The following MET variants were observed in gnomAD, a reference collection of about 807,000 sequenced individuals.
The protein encoded by MET is hepatocyte growth factor receptor.
In MET, 48 loss-of-function variants were observed where a neutral mutation model predicts 133.1. The ratio of observed to expected loss-of-function variants is 0.36; its 90% confidence interval spans 0.29 to 0.46. The LOEUF (loss-of-function observed/expected upper bound fraction) is 0.46, where lower values mean the gene tolerates loss of function less well. Among genes scored for constraint, MET ranks in the 20% least tolerant of loss-of-function variants. MET has a pLI of 1.00. For synonymous variants in MET, 628 were observed against 616.5 expected (o/e 1.02, Z -0.28); for missense variants, 1,442 against 1,695.9 (o/e 0.85, Z 2.63).
In MET at chr7:116,759,303, G is replaced by A. The variant is rs773246977; in HGVS notation, c.2265-88G>A. 6 of 1,552,824 alleles carry A rather than the reference G, an allele frequency of 3.9e-6. No individual in the cohort carries two copies. In the East Asian group the frequency reaches 1.4e-4, roughly 37 times the overall value. On this transcript the variant is annotated intron_variant, in intron 9 of 20. Transcript: ENST00000397752. ...TGACTGTGCCTCTGACCTGTAATCA[G>A]TGCAGGTGATTAAATTGAATCCCTC...
chr7:116,707,360 T>C (rs923387824), intron 2 of MET, among the ~76,000 whole-genome samples: 17 of 152,190 alleles, frequency 1.1e-4, no homozygotes, highest in African/African-American at 3.9e-4. Flanking sequence ...ATCAGCAAAA[T>C]GTTCATCAGT....
intron 2 of MET, among the ~76,000 whole-genome samples, chr7:116,728,296 T>C (rs1792870906): frequency 6.6e-6 from 1 of 152,142 alleles, no homozygotes; most frequent in Admixed American, 6.5e-5. Flanking sequence ...TTACAAATTT[T>C]ATTTGATGGG....
intron 2 of MET, among the ~76,000 whole-genome samples, chr7:116,709,094 A>T (rs1791900791): frequency 6.6e-6 from 1 of 152,140 alleles, no homozygotes; most frequent in Admixed American, 6.6e-5. Context: ...GCTCACAAGG[A>T]TATCATGAGC....
At chr7:116,673,997 G>T (rs1445948621) in intron 1 of MET, among the ~76,000 whole-genome samples, 2 of 152,168 alleles carry the variant, frequency 1.3e-5, no homozygotes, top group African/African-American at 4.8e-5. Context: ...AAATGTGTCT[G>T]ATAGCCTATA....
chr7:116,793,114 C>T (rs1466861999), intron 19 of MET, among the ~76,000 whole-genome samples: 3 of 152,118 alleles, frequency 2.0e-5, no homozygotes, highest in African/African-American at 4.8e-5. Flanking sequence ...CTTACAGATG[C>T]CATCTCCCTG....
chr7:116,755,276 TTTTG>T (rs1454592385), intron 5 of MET, 75 bp from the exon 6 acceptor site: 12 of 1,459,298 alleles, frequency 8.2e-6, no homozygotes, highest in African/African-American at 5.7e-5. Context: ...AGGATATACA[TTTTG>T]TTTGTTCGTT....
At chr7:116,752,992 G>A (rs1471765530) in intron 5 of MET, among the ~76,000 whole-genome samples, 1 of 152,112 alleles carries the variant, frequency 6.6e-6, no homozygotes, top group Non-Finnish European at 1.5e-5. Flanking sequence ...ATAATAAACA[G>A]ATTTATTTTT....
intron 1 of MET, among the ~76,000 whole-genome samples, chr7:116,688,021 T>A (rs766901114): frequency 2.6e-5 from 4 of 152,246 alleles, no homozygotes; most frequent in Non-Finnish European, 5.9e-5. Flanking sequence ...AATCCAATCC[T>A]GAGCATAGTT....
intron 2 of MET, chr7:116,724,697 G>C: frequency 1.7e-6 from 1 of 594,028 alleles, no homozygotes; most frequent in Non-Finnish European, 2.8e-6. Flanking sequence ...AATCAGCAAG[G>C]GAAGCTTTTG....
At position 116,740,989 on chromosome 7, in the gene MET, A is replaced by G. The variant is rs1554391336; in HGVS notation, c.1665A>G (p.Thr555=). The change falls in exon 5 of 21, where the codon ACA becomes ACG. Residue 555 remains threonine (T), a synonymous_variant. Coordinates refer to ENST00000397752, the MANE Select transcript of MET (RefSeq NM_000245.4). Reference sequence around the variant, plus strand: ...GATCGGAGGAATGCCTGAGCGGGACATGGACTCAACAGATCTGTCTGCCTG... The same window carrying G: ...GATCGGAGGAATGCCTGAGCGGGACGTGGACTCAACAGATCTGTCTGCCTG... The part of the protein sequence containing the change: ...CVRSEECLSG[T]WTQQICLPAI... 1 of 1,613,344 alleles carries G rather than the reference A, an allele frequency of 6.2e-7. No individual in the cohort carries two copies. Among genetic ancestry groups the G allele is most frequent in the Non-Finnish European group, 8.5e-7 (1 of 1,179,922 alleles).
chr7:116,770,956 A>G (rs1794810727), intron 12 of MET, among the ~76,000 whole-genome samples: 1 of 152,186 alleles, frequency 6.6e-6, no homozygotes, highest in African/African-American at 2.4e-5. Context: ...ATAAATCCTA[A>G]AAATCATAAA....
intron 2 of MET, among the ~76,000 whole-genome samples, chr7:116,702,848 C>T (rs527561428): frequency 6.6e-6 from 1 of 152,078 alleles, no homozygotes; most frequent in African/African-American, 2.4e-5. Context: ...CCACCATGTG[C>T]AAAAAGTGTT....
intron 2 of MET, among the ~76,000 whole-genome samples, chr7:116,712,270 CA>C (rs1792030261): frequency 6.6e-6 from 1 of 152,180 alleles, no homozygotes; most frequent in Non-Finnish European, 1.5e-5. Context: ...CCCTAGCCTT[CA>C]ACTCATCCCC....
chr7:116,693,451 T>C (rs1796844794), intron 1 of MET, among the ~76,000 whole-genome samples: 1 of 152,198 alleles, frequency 6.6e-6, no homozygotes, highest in Admixed American at 6.5e-5. Context: ...TTCAGCATTA[T>C]AATTTTCAAA....
chr7:116,693,240 C>T (rs1796837558), intron 1 of MET, among the ~76,000 whole-genome samples: 1 of 152,144 alleles, frequency 6.6e-6, no homozygotes, highest in Admixed American at 6.5e-5. Context: ...TCTTTAGTTC[C>T]ACCCAGGAGT....
chr7:116,682,311 G>C (rs539397126), intron 1 of MET, among the ~76,000 whole-genome samples: 1 of 152,172 alleles, frequency 6.6e-6, no homozygotes, highest in Non-Finnish European at 1.5e-5. Flanking sequence ...CAGGATCAAG[G>C]TTCCTTCATA....
rs1791515202 is a variant in MET, at chr7:116,700,125, A to C, written c.1041A>C (p.Ala347=). 6 of 1,605,768 alleles carry C rather than the reference A, an allele frequency of 3.7e-6. No individual in the cohort carries two copies. The highest frequency in any genetic ancestry group is 4.3e-6 in the Non-Finnish European group (5 of 1,176,204). Residue 347 remains alanine, a synonymous_variant, in exon 2 of 21, where the codon GCA becomes GCC. Transcript: ENST00000397752. ...LNDDILFGVF[A]QSKPDSAEPM... ...ATGACATTCTTTTCGGGGTGTTCGC[A>C]CAAAGCAAGCCAGATTCTGCCGAAC...
intron 2 of MET, among the ~76,000 whole-genome samples, chr7:116,701,114 A>C (rs1272696846): frequency 6.6e-6 from 1 of 152,206 alleles, no homozygotes; most frequent in Non-Finnish European, 1.5e-5. Flanking sequence ...TGTGATTTAA[A>C]TATAGTAACA....
intron 4 of MET, among the ~76,000 whole-genome samples, chr7:116,740,610 G>T (rs1252957974): frequency 4.6e-5 from 7 of 152,152 alleles, no homozygotes; most frequent in Admixed American, 4.6e-4. Flanking sequence ...ACATTGTGTG[G>T]CAATGCTATG....
Sources: allele counts gnomAD v4.1 joint callset (sites outside exome capture counted in the v4.1 genomes callset), GRCh38; gene constraint gnomAD v4.1.1; transcripts MANE v1.5; gene names NCBI Gene and HGNC (gene_info 2026-07-23, HGNC 2026-07-21).